KLHL4: variants seen among roughly 807,000 people sequenced by gnomAD.
KLHL4 encodes the protein kelch like family member 4.
In KLHL4, 17 loss-of-function variants were observed where a neutral mutation model predicts 45.8. The observed-to-expected ratio is 0.37, with a 90% CI of 0.25 to 0.56. KLHL4 has a LOEUF of 0.56. Among genes scored for constraint, KLHL4 ranks in the 20% least tolerant of loss-of-function variants. The probability of loss-of-function intolerance (pLI) is 0.79; values close to 1 mark genes in which losing one functional copy is unlikely to be tolerated. For missense variants in KLHL4, 544 were observed against 544.9 expected (o/e 1.00, Z 0.02); for synonymous variants, 224 against 189.9 (o/e 1.18, Z -1.47).
intron 9 of KLHL4, among the ~76,000 whole-genome samples, chrX:87,639,359 C>A (rs1277282930): frequency 1.8e-5 from 2 of 111,618 alleles, no homozygotes; most frequent in Non-Finnish European, 3.8e-5. Flanking sequence ...TAGATATTTA[C>A]AGAACATTCT....
Position 87,669,566 on chromosome X carries a change from A to G in KLHL4, c.*3032A>G. 1.9e-6 allele frequency: 1 copy of G among 517,985 alleles called. No homozygotes were observed. Among genetic ancestry groups the G allele is most frequent in the Non-Finnish European group, 2.9e-6 (1 of 344,689 alleles). The allele number at this position is 517,985 out of a possible 1,213,427, so 42.7% of individuals were successfully genotyped here. A position where few individuals can be genotyped will look rare whatever the true frequency, so the allele number is the denominator to read the frequency against. ...TGGATTTTATTTTAAGTTCTCTAAC[A>G]AGACTCCTACCTTGAGATCTTAGTC... On this transcript the variant is annotated 3_prime_UTR_variant, in exon 11 of 11. Transcript: ENST00000373119.
At position 87,664,875 on chromosome X, in the gene KLHL4, C is replaced by T. The variant is rs150763346; in HGVS notation, c.2037C>T (p.Asp679=). Residue 679 remains aspartate, a synonymous_variant, in exon 10 of 11, where the codon GAC becomes GAT. Coordinates refer to ENST00000373119, the MANE Select transcript of KLHL4 (RefSeq NM_019117.5). ...GDKLYVVGGY[D]GHTYLNTVES... is the part of the protein sequence containing the mutation. ...AACTCTACGTGGTTGGAGGATATGACGGACATACTTATTTGAACACAGTTG... is the reference window on the plus strand; with the variant it reads ...AACTCTACGTGGTTGGAGGATATGATGGACATACTTATTTGAACACAGTTG... 73 of 1,195,554 alleles carry T rather than the reference C, an allele frequency of 6.1e-5. No homozygotes were observed. The African/African-American group carries it at 9.2e-4, about 15-fold the overall frequency.
chrX:87,552,277 A>G (rs974627374), intron 1 of KLHL4, among the ~76,000 whole-genome samples: 1 of 111,710 alleles, frequency 9.0e-6, no homozygotes, highest in Non-Finnish European at 1.9e-5. Context: ...AATGGCCAAC[A>G]AACATATAAA....
In KLHL4 at chrX:87,666,903, A is replaced by T; in HGVS notation, c.*369A>T. On this transcript the variant is annotated 3_prime_UTR_variant, in exon 11 of 11. Transcript: ENST00000373119. ...AAGGTAAGAGCCTTAAAAGTTAAAA[A>T]CATTTTCAGTTTTTTTTTAAAAAAC... 1.4e-6 allele frequency: 1 copy of T among 716,486 alleles called. No individual in the cohort carries two copies. Among genetic ancestry groups the T allele is most frequent in the East Asian group, 1.4e-4 (1 of 6,971 alleles). The allele number at this position is 716,486 out of a possible 1,213,427, so 59.0% of individuals were successfully genotyped here.
chrX:87,665,894 A>G (rs1163631076), intron 10 of KLHL4, among the ~76,000 whole-genome samples: 1 of 111,504 alleles, frequency 9.0e-6, no homozygotes, highest in Non-Finnish European at 1.9e-5. Context: ...AAATGCTACA[A>G]TGTAGGTAGC....
chrX:87,554,199 G>A lies in KLHL4; in HGVS notation c.422+35884G>A, dbSNP rs766891375. On this transcript the variant is annotated intron_variant, in intron 1 of 10. Coordinates refer to ENST00000373119, the MANE Select transcript of KLHL4 (RefSeq NM_019117.5). ...TGGCTTAGGATTGACTTGGTGATGC[G>A]GGCTCTTTTTTGGTTCCCTATGAAC... is the stretch of plus-strand genomic sequence containing the variant. Among the ~76,000 whole-genome samples, 2 of 70,873 alleles carry A rather than the reference G, an allele frequency of 2.8e-5. 1 individual carries two copies. The highest frequency in any genetic ancestry group is 5.2e-5 in the Non-Finnish European group (2 of 38,479). The allele number at this position is 70,873 out of a possible 115,157, so 61.5% of individuals were successfully genotyped here. A position where few individuals can be genotyped will look rare whatever the true frequency, so the allele number is the denominator to read the frequency against.
chrX:87,559,428 G>A (rs1932049049), intron 1 of KLHL4, among the ~76,000 whole-genome samples: 1 of 111,322 alleles, frequency 9.0e-6, no homozygotes. Context: ...TCTTCCCATC[G>A]GCTCAATCTT....
chrX:87,622,162 A>G, intron 4 of KLHL4, 49 bp from the exon 5 acceptor site: 1 of 848,147 alleles, frequency 1.2e-6, no homozygotes, highest in African/African-American at 2.0e-5. Flanking sequence ...TTATTCCATT[A>G]AGAAATTTCT....
chrX:87,628,640 A>T (rs962425953), intron 6 of KLHL4, among the ~76,000 whole-genome samples: 3 of 111,681 alleles, frequency 2.7e-5, no homozygotes, highest in African/African-American at 9.8e-5. Context: ...AATGCACTAA[A>T]TTCTCAGAAA....
intron 1 of KLHL4, among the ~76,000 whole-genome samples, chrX:87,563,873 A>G (rs953100719): frequency 9.0e-6 from 1 of 110,914 alleles, no homozygotes; most frequent in Non-Finnish European, 1.9e-5. Flanking sequence ...GATACAAATA[A>G]CACATGAAGG....
chrX:87,529,097 A>G (rs1446810831), intron 1 of KLHL4, among the ~76,000 whole-genome samples: 1 of 111,465 alleles, frequency 9.0e-6, no homozygotes, highest in Admixed American at 9.6e-5. Flanking sequence ...CACTAATCCC[A>G]TATTCAGCAA....
intron 6 of KLHL4, among the ~76,000 whole-genome samples, chrX:87,627,058 G>T (rs1922954043): frequency 8.9e-6 from 1 of 111,799 alleles, no homozygotes; most frequent in African/African-American, 3.3e-5. Context: ...CCCTTCAATG[G>T]CTTGTGTTGA....
chrX:87,561,619 C>T (rs745779027), intron 1 of KLHL4, among the ~76,000 whole-genome samples: 5 of 110,944 alleles, frequency 4.5e-5, no homozygotes, highest in South Asian at 3.9e-4. Flanking sequence ...CTGTTCTGGG[C>T]TCAAAGTCAG....
intron 8 of KLHL4, among the ~76,000 whole-genome samples, chrX:87,635,228 T>G (rs1374244182): frequency 8.9e-6 from 1 of 112,080 alleles, no homozygotes; most frequent in Non-Finnish European, 1.9e-5. Context: ...TCTTTGGAAC[T>G]ATCCTGCCAA....
chrX:87,634,150 C>A (rs1464098934), intron 8 of KLHL4, among the ~76,000 whole-genome samples: 1 of 111,828 alleles, frequency 8.9e-6, no homozygotes, highest in Non-Finnish European at 1.9e-5. Context: ...CCAGCAGCAT[C>A]CACCTTTCGT....
At chrX:87,591,597 G>T (rs930032830) in intron 1 of KLHL4, among the ~76,000 whole-genome samples, 4 of 111,828 alleles carry the variant, frequency 3.6e-5, no homozygotes, top group Non-Finnish European at 7.5e-5. Flanking sequence ...CCACTTTGCA[G>T]ATTGTGTCTT....
chrX:87,587,750 G>C (rs764222620), intron 1 of KLHL4, among the ~76,000 whole-genome samples: 1 of 111,189 alleles, frequency 9.0e-6, no homozygotes, highest in Non-Finnish European at 1.9e-5. Context: ...AACACGAAAA[G>C]TTTACCTGCT....
intron 1 of KLHL4, among the ~76,000 whole-genome samples, chrX:87,586,798 T>C (rs1383291135): frequency 9.0e-6 from 1 of 111,043 alleles, no homozygotes; most frequent in African/African-American, 3.3e-5. Flanking sequence ...TAAATGACAT[T>C]GAAATGCAAA....
chrX:87,564,663 C>A (rs979462310), intron 1 of KLHL4, among the ~76,000 whole-genome samples: 1 of 111,452 alleles, frequency 9.0e-6, no homozygotes, highest in Non-Finnish European at 1.9e-5. Flanking sequence ...AGCAACAAAT[C>A]ATATGAAGAA....
Sources: allele counts gnomAD v4.1 joint callset (sites outside exome capture counted in the v4.1 genomes callset), GRCh38; gene constraint gnomAD v4.1.1; transcripts MANE v1.5; gene names NCBI Gene and HGNC (gene_info 2026-07-23, HGNC 2026-07-21).